KCNK1: variants seen among roughly 807,000 people sequenced by gnomAD.
KCNK1 encodes potassium channel subfamily K member 1.
A neutral mutation model predicts 22.2 loss-of-function variants in KCNK1; 10 were observed. That is an observed-to-expected ratio of 0.45 (90% CI 0.28 to 0.76). KCNK1 has a LOEUF of 0.76. KCNK1 is among the 30% of genes least tolerant of loss of function. The probability of loss-of-function intolerance (pLI) is 0.14; values close to 1 mark genes in which losing one functional copy is unlikely to be tolerated. For missense variants in KCNK1, 378 were observed against 421.0 expected, an observed-to-expected ratio of 0.90 and a Z score of 0.89; for synonymous variants, 200 against 186.4, an observed-to-expected ratio of 1.07 and a Z score of -0.60.
At chr1:233,661,955 T>C (rs1355481955) in intron 1 of KCNK1, 1 of 152,236 alleles carries the variant, frequency 6.6e-6, no homozygotes, top group Admixed American at 6.5e-5. Context: ...CTGACCCATG[T>C]GACATTGAAG....
rs373454910 is a variant in KCNK1, at chr1:233,627,631, C to T, written c.355+13105C>T. Among the ~76,000 whole-genome samples, 24 of 152,144 alleles carry T rather than the reference C, an allele frequency of 1.6e-4. No homozygotes were observed. In the East Asian group the frequency reaches 3.1e-3, roughly 20 times the overall value. The stretch of plus-strand genomic sequence containing the variant: ...CTCGCAGTGGGAGGGTGGGCGGGTG[C>T]GGATGAGCTGAGCCGTTTCGCACCC... On this transcript the variant is annotated intron_variant, in intron 1 of 2. Coordinates refer to ENST00000366621, the MANE Select transcript of KCNK1 (RefSeq NM_002245.4).
intron 1 of KCNK1, among the ~76,000 whole-genome samples, chr1:233,634,285 A>G (rs1436902449): frequency 6.6e-6 from 1 of 150,766 alleles, no homozygotes; most frequent in African/African-American, 2.4e-5. Flanking sequence ...CAGCCTGGGT[A>G]ACAGAGCTAC....
chr1:233,650,588 C>T (rs560730765), intron 1 of KCNK1, among the ~76,000 whole-genome samples: 43 of 152,198 alleles, frequency 2.8e-4, no homozygotes, highest in African/African-American at 9.4e-4. Flanking sequence ...CTATGTGCAG[C>T]GTCTGTACTA....
chr1:233,656,669 T>G (rs1264980242), intron 1 of KCNK1, among the ~76,000 whole-genome samples: 1 of 152,186 alleles, frequency 6.6e-6, no homozygotes, highest in Non-Finnish European at 1.5e-5. Flanking sequence ...TAGGCTGGAG[T>G]GCAGTGGTGC....
intron 1 of KCNK1, among the ~76,000 whole-genome samples, chr1:233,616,478 T>C (rs1347294544): frequency 6.6e-6 from 1 of 152,194 alleles, no homozygotes; most frequent in Non-Finnish European, 1.5e-5. Flanking sequence ...GGGGTGGGAA[T>C]AGACGTCTTA....
chr1:233,666,058 A>C (rs1009330888), intron 1 of KCNK1, among the ~76,000 whole-genome samples: 3 of 151,890 alleles, frequency 2.0e-5, no homozygotes, highest in African/African-American at 7.3e-5. Context: ...ATTCTACTCC[A>C]CCCTCTTACT....
chr1:233,661,808 G>A (rs931392988), intron 1 of KCNK1: 1 of 152,208 alleles, frequency 6.6e-6, no homozygotes, highest in Admixed American at 6.5e-5. Context: ...TTGTATGCAA[G>A]ATATCTTGAA....
At position 233,671,563 on chromosome 1, in the gene KCNK1, A is replaced by G; in HGVS notation, c.*33A>G. On this transcript the variant is annotated 3_prime_UTR_variant, in exon 3 of 3. Coordinates refer to ENST00000366621, the MANE Select transcript of KCNK1 (RefSeq NM_002245.4). The stretch of plus-strand genomic sequence containing the variant: ...ATTTGTTGCATTATGCTAGAGCACC[A>G]GGGTCAGGGTGCAAGGAAGAGGCTT... 6.2e-7 allele frequency: 1 copy of G among 1,611,668 alleles called. No homozygotes were observed. Among genetic ancestry groups the G allele is most frequent in the Non-Finnish European group, 8.5e-7 (1 of 1,178,710 alleles).
At chr1:233,662,673 C>CACAA (rs1658418698) in intron 1 of KCNK1, among the ~76,000 whole-genome samples, 2 of 152,162 alleles carry the variant, frequency 1.3e-5, no homozygotes, top group African/African-American at 2.4e-5. Context: ...ATTACAACCA[C>CACAA]CCATTATACG....
intron 1 of KCNK1, among the ~76,000 whole-genome samples, chr1:233,621,979 G>A (rs903020129): frequency 2.6e-5 from 4 of 151,992 alleles, no homozygotes; most frequent in Non-Finnish European, 5.9e-5. Flanking sequence ...TATAGCCCCC[G>A]GAAGATACTG....
chr1:233,656,661 G>T (rs1007895754), intron 1 of KCNK1, among the ~76,000 whole-genome samples: 27 of 152,066 alleles, frequency 1.8e-4, no homozygotes, highest in Non-Finnish European at 1.6e-4. Context: ...TCGTCGTCTA[G>T]GCTGGAGTGC....
intron 1 of KCNK1, among the ~76,000 whole-genome samples, chr1:233,653,289 C>T (rs1180528560): frequency 6.6e-6 from 1 of 152,166 alleles, no homozygotes; most frequent in Non-Finnish European, 1.5e-5. Context: ...ATGGCATGCC[C>T]CACTTTTGAA....
chr1:233,619,489 A>G (rs1052345217), intron 1 of KCNK1, among the ~76,000 whole-genome samples: 2 of 152,194 alleles, frequency 1.3e-5, no homozygotes, highest in African/African-American at 2.4e-5. Context: ...GCTACAACAT[A>G]GGTAGTTTTC....
At chr1:233,619,184 A>ATT (rs201800884) in intron 1 of KCNK1, among the ~76,000 whole-genome samples, 1 of 150,618 alleles carries the variant, frequency 6.6e-6, no homozygotes, top group Non-Finnish European at 1.5e-5. Flanking sequence ...CACCTGGCCA[A>ATT]TTTTTTTTTC....
chr1:233,616,795 T>G (rs1299921136), intron 1 of KCNK1, among the ~76,000 whole-genome samples: 1 of 152,266 alleles, frequency 6.6e-6, no homozygotes, highest in Non-Finnish European at 1.5e-5. Context: ...CTTCAAATTA[T>G]CATAGGTGCC....
rs1169173698 is a variant in KCNK1 at position 233,666,694 on chromosome 1, T to A, written c.455T>A (p.Val152Glu). 2 of 1,614,148 alleles carry A rather than the reference T, an allele frequency of 1.2e-6. No homozygotes were observed. The highest frequency in any genetic ancestry group is 1.7e-6 in the Non-Finnish European group (2 of 1,180,034). Residue 152 changes from valine to glutamate, a missense_variant, in exon 2 of 3, where the codon GTG becomes GAG. By Grantham distance (121) the Val-to-Glu change is moderately radical (BLOSUM62 -2). Coordinates refer to ENST00000366621, the MANE Select transcript of KCNK1 (RefSeq NM_002245.4). The stretch of plus-strand genomic sequence containing the variant: ...TTCACCCTCCTGTTCCTGACGGCTG[T>A]GGTCCAGCGCATCACCGTGCACGTC... ...IPFTLLFLTA[V>E]VQRITVHVTR... is the part of the protein sequence containing the mutation.
At chr1:233,642,147 C>T (rs1395368585) in intron 1 of KCNK1, among the ~76,000 whole-genome samples, 1 of 152,172 alleles carries the variant, frequency 6.6e-6, no homozygotes, top group East Asian at 1.9e-4. Flanking sequence ...AGCAATTTTT[C>T]CTGCTTTTGG....
intron 1 of KCNK1, chr1:233,650,050 G>C (rs1344434597): frequency 1.9e-6 from 1 of 533,408 alleles, no homozygotes; most frequent in Admixed American, 1.9e-5. Context: ...AGTACACCAG[G>C]TGATGTGACA....
intron 1 of KCNK1, among the ~76,000 whole-genome samples, chr1:233,657,330 T>G (rs1031084481): frequency 6.6e-6 from 1 of 152,138 alleles, no homozygotes; most frequent in African/African-American, 2.4e-5. Flanking sequence ...ATGTGACTGA[T>G]TGGAATTGGG....
Sources: gnomAD v4.1 joint callset for allele counts (sites outside exome capture counted in the v4.1 genomes callset) on GRCh38, gnomAD v4.1.1 for gene constraint, MANE v1.5 for transcripts, NCBI Gene and HGNC (gene_info 2026-07-23, HGNC 2026-07-21) for gene names.